Variants in LRP2 observed in about 807,000 individuals in gnomAD.
LRP2 encodes LDL receptor related protein 2.
Under a neutral mutation model 531.0 loss-of-function variants are expected in LRP2, and 172 were observed. That is an observed-to-expected ratio of 0.32 (90% CI 0.29 to 0.37). LRP2 has a LOEUF of 0.37. LRP2 is among the 10% of genes least tolerant of loss of function. LRP2 has a pLI of 1.00. For missense variants in LRP2, 5,167 were observed against 5,868.3 expected (o/e 0.88, Z 3.90); for synonymous variants, 1,992 against 2,027.6 (o/e 0.98, Z 0.47).
chr2:169,154,327 G>T, intron 66 of LRP2, 133 bp downstream of exon 66: 2 of 792,604 alleles, frequency 2.5e-6, no homozygotes, highest in Non-Finnish European at 2.1e-6. Context: ...GGAGCATGCT[G>T]GATTGGAAGA....
At chr2:169,169,392 A>AT (rs1359032316) in intron 60 of LRP2, among the ~76,000 whole-genome samples, 1 of 152,194 alleles carries the variant, frequency 6.6e-6, no homozygotes, top group African/African-American at 2.4e-5. Flanking sequence ...TTGCTTGAAT[A>AT]TTTTTTTACC....
At chr2:169,223,611 T>C (rs1340358641) in intron 33 of LRP2, among the ~76,000 whole-genome samples, 1 of 152,184 alleles carries the variant, frequency 6.6e-6, no homozygotes, top group Non-Finnish European at 1.5e-5. Context: ...TTGCCGGAGT[T>C]GTAGTTTATA....
In LRP2 at chr2:169,140,520, G is replaced by C. The variant is rs73970129; in HGVS notation, c.13134C>G (p.Pro4378=). The change falls in exon 72 of 79, where the codon CCC becomes CCG. Residue 4378 remains proline (P), a synonymous_variant. Transcript: ENST00000649046. ...DAAIELPINL[P]PPCRCMHGGN... is the part of the protein sequence containing the mutation. ...CTCCGTGCATGCACCTGCATGGGGG[G>C]GGCAGGTTGATAGGCAGTTCGATGG... 1.8e-3 allele frequency: 2,906 copies of C among 1,613,898 alleles called. 51 individuals are homozygous for C. In the African/African-American group the frequency reaches 0.034, roughly 19 times the overall value.
intron 1 of LRP2, among the ~76,000 whole-genome samples, chr2:169,333,493 GA>G (rs1685320170): frequency 1.7e-5 from 2 of 119,116 alleles, no homozygotes; most frequent in African/African-American, 6.4e-5. Context: ...AGGAAGGAAG[GA>G]AGGAACGAAG....
intron 16 of LRP2, among the ~76,000 whole-genome samples, chr2:169,261,944 G>T (rs543469535): frequency 2.0e-5 from 3 of 149,998 alleles, no homozygotes; most frequent in African/African-American, 7.3e-5. Context: ...TTCAATATAC[G>T]CAAATCAATA....
At chr2:169,183,815 T>C (rs1687529013) in intron 50 of LRP2, among the ~76,000 whole-genome samples, 1 of 152,204 alleles carries the variant, frequency 6.6e-6, no homozygotes, top group South Asian at 2.1e-4. Context: ...CCAAACACCC[T>C]AATGCTGACA....
intron 1 of LRP2, among the ~76,000 whole-genome samples, chr2:169,340,273 C>T (rs1043912580): frequency 6.6e-6 from 1 of 152,112 alleles, no homozygotes; most frequent in Non-Finnish European, 1.5e-5. Flanking sequence ...ATTTTCTATG[C>T]CTCTCCCAAA....
intron 19 of LRP2, among the ~76,000 whole-genome samples, chr2:169,254,650 A>AAAAAAAAAAAAC (rs1690229341): frequency 8.8e-6 from 1 of 113,782 alleles, no homozygotes; most frequent in South Asian, 2.9e-4. Context: ...TAATAAAAAA[A>AAAAAAAAAAAAC]AAAAAAAACA....
Position 169,197,126 on chromosome 2 carries a change from T to C in LRP2, c.8579-96A>G, listed in dbSNP as rs1688031340. 4 of 1,464,958 alleles carry C rather than the reference T, an allele frequency of 2.7e-6. No homozygotes were observed. The South Asian group carries it at 4.8e-5, about 17-fold the overall frequency. The allele number at this position is 1,464,958 out of a possible 1,614,324, so 90.7% of individuals were successfully genotyped here. On this transcript the variant is annotated intron_variant, in intron 45 of 78. Transcript: ENST00000649046. ...CCTCTATCTCTGAGCTAGATAATAG[T>C]TACCAAAAAAGGAAGACTGAGCCTG...
chr2:169,176,054 G>A (rs2105285610), intron 54 of LRP2, among the ~76,000 whole-genome samples: 1 of 152,316 alleles, frequency 6.6e-6, no homozygotes, highest in South Asian at 2.1e-4. Flanking sequence ...AGCTAGGCCG[G>A]CATAGACATG....
intron 10 of LRP2, among the ~76,000 whole-genome samples, chr2:169,282,365 T>C (rs1350276132): frequency 6.6e-6 from 1 of 152,246 alleles, no homozygotes; most frequent in Non-Finnish European, 1.5e-5. Context: ...TGTACTACTC[T>C]CTACTTTTCA....
chr2:169,186,914 A>T (rs1053356692), intron 49 of LRP2, among the ~76,000 whole-genome samples: 8 of 152,234 alleles, frequency 5.3e-5, no homozygotes, highest in African/African-American at 1.9e-4. Context: ...TTAGGAGTAA[A>T]CATAAGAAAG....
intron 55 of LRP2, 101 bp downstream of exon 55, chr2:169,175,092 C>T: frequency 2.7e-6 from 3 of 1,107,538 alleles, no homozygotes; most frequent in Non-Finnish European, 4.1e-6. Flanking sequence ...GGACTTTGAA[C>T]TGGTTTTTAG....
At chr2:169,167,534 A>C (rs1015569499) in intron 61 of LRP2, among the ~76,000 whole-genome samples, 6 of 152,188 alleles carry the variant, frequency 3.9e-5, no homozygotes, top group African/African-American at 1.4e-4. Flanking sequence ...CTGGGCCCTT[A>C]ATTTTCCCAC....
chr2:169,230,876 G>A (rs888188585), intron 31 of LRP2, among the ~76,000 whole-genome samples: 1 of 152,184 alleles, frequency 6.6e-6, no homozygotes, highest in African/African-American at 2.4e-5. Context: ...TCAGTCACTT[G>A]TAATATCTCA....
At chr2:169,301,833 T>C (rs1232142538) in intron 4 of LRP2, among the ~76,000 whole-genome samples, 1 of 152,074 alleles carries the variant, frequency 6.6e-6, no homozygotes, top group Admixed American at 6.6e-5. Context: ...GTCTTGATTT[T>C]AGAAGCTTGA....
chr2:169,137,323 A>G lies in LRP2; in HGVS notation c.13620+69T>C. 4 of 1,144,350 alleles carry G rather than the reference A, an allele frequency of 3.5e-6. No individual in the cohort carries two copies. The Admixed American group carries it at 6.7e-5, about 19-fold the overall frequency. The allele number at this position is 1,144,350 out of a possible 1,614,324, so 70.9% of individuals were successfully genotyped here. A position where few individuals can be genotyped will look rare whatever the true frequency, so the allele number is the denominator to read the frequency against. On this transcript the variant is annotated intron_variant, in intron 76 of 78. Transcript: ENST00000649046. ...TGGAGGGAAGGTTAGGAAAATCCTA[A>G]GACATGACTCAATAGATTAAGATCC... is the stretch of plus-strand genomic sequence containing the variant.
At chr2:169,288,967 A>G (rs934068529) in intron 9 of LRP2, 59 bp downstream of exon 9, 76 of 1,610,096 alleles carry the variant, frequency 4.7e-5, no homozygotes, top group Non-Finnish European at 6.3e-5. Flanking sequence ...GTCAGAGATC[A>G]GGGCACCCAT....
intron 6 of LRP2, 87 bp downstream of exon 6, chr2:169,294,061 G>T (rs1024156454): frequency 6.8e-6 from 6 of 880,374 alleles, no homozygotes; most frequent in East Asian, 2.4e-5. Flanking sequence ...GTACATTGGT[G>T]GGGGAGCGGG....
Sources: gnomAD v4.1 joint callset for allele counts (sites outside exome capture counted in the v4.1 genomes callset) on GRCh38, gnomAD v4.1.1 for gene constraint, MANE v1.5 for transcripts, NCBI Gene and HGNC (gene_info 2026-07-23, HGNC 2026-07-21) for gene names.